Variants in OR5V1 observed in about 807,000 individuals in gnomAD.
The protein encoded by OR5V1 is olfactory receptor 5V1.
For missense variants in OR5V1, 365 were observed against 371.5 expected (o/e 0.98, Z 0.14); for synonymous variants, 134 against 143.2 (o/e 0.94, Z 0.46).
Position 29,355,209 on chromosome 6 carries a change from AG to A in OR5V1, c.*20del, listed in dbSNP as rs1582366977. The A allele has an allele frequency of 6.5e-7, 1 of 1,544,046 alleles. No homozygotes were observed. The highest frequency in any genetic ancestry group is 1.4e-5 in the African/African-American group (1 of 72,136). On this transcript the variant is annotated 3_prime_UTR_variant, in exon 2 of 2. Transcript: ENST00000641768. ...GTGAAAAAGTTAATTTTGTAGTATAAGATTATTGAACCTGTGAGGTTCAATA... is the reference window on the plus strand; with the variant it reads ...GTGAAAAAGTTAATTTTGTAGTATAAATTATTGAACCTGTGAGGTTCAATA...
intron 1 of OR5V1, among the ~76,000 whole-genome samples, chr6:29,361,376 G>C (rs981870408): frequency 1.3e-5 from 2 of 152,094 alleles, no homozygotes; most frequent in Non-Finnish European, 2.9e-5. Flanking sequence ...TTATCCAGGA[G>C]ACCTTCCCCA....
chr6:29,354,764 A>G lies in OR5V1; in HGVS notation c.*466T>C, dbSNP rs1778172784. ...GGTAAAACATCACTTTACTGTGTTT[A>G]CATTTCTTAATCTATTGGTGATGAT... is the stretch of plus-strand genomic sequence containing the variant. On this transcript the variant is annotated 3_prime_UTR_variant, in exon 2 of 2. Coordinates refer to ENST00000641768, the MANE Select transcript of OR5V1 (RefSeq NM_030876.6). 6.5e-6 allele frequency: 1 copy of G among 152,740 alleles called. No homozygotes were observed. Among genetic ancestry groups the G allele is most frequent in the Non-Finnish European group, 1.5e-5 (1 of 68,458 alleles). The allele number at this position is 152,740 out of a possible 1,614,324, so 9.5% of individuals were successfully genotyped here.
Position 29,355,945 on chromosome 6 carries a change from T to C in OR5V1, c.251A>G (p.His84Arg). 6.2e-7 allele frequency: 1 copy of C among 1,613,930 alleles called. No homozygotes were observed. The highest frequency in any genetic ancestry group is 8.5e-7 in the Non-Finnish European group (1 of 1,179,924). Residue 84 changes from histidine (H) to arginine (R), a missense_variant, in exon 2 of 2, where the codon CAC becomes CGC. By Grantham distance (29) the His-to-Arg change is conservative. Transcript: ENST00000641768. ...AATGCTTTTTTTCTTTGAGAGGAGG[T>C]GCACCATCATCTGGGGGACATTGCT... ...TTSNVPQMMV[H>R]LLSKKKSISY...
Position 29,355,621 on chromosome 6 carries a change from G to A in OR5V1, c.575C>T (p.Thr192Ile). 1.2e-6 allele frequency: 2 copies of A among 1,614,008 alleles called. No homozygotes were observed. Among genetic ancestry groups the A allele is most frequent in the South Asian group, 1.1e-5 (1 of 91,074 alleles). Residue 192 changes from threonine (T) to isoleucine (I), a missense_variant, in exon 2 of 2, where the codon ACT (threonine) becomes ATT (isoleucine). Physicochemically the swap from Thr to Ile is moderately conservative, Grantham distance 89. Coordinates refer to ENST00000641768, the MANE Select transcript of OR5V1 (RefSeq NM_030876.6). ...TAGCAGTGCCAACTCATTGACAGAA[G>A]TGTTTCCACAAGACAAGATCAGCAA... ...PPLLILSCGNTSVNELALLST... is the reference protein window; with the variant it reads ...PPLLILSCGNISVNELALLST...
intron 1 of OR5V1, among the ~76,000 whole-genome samples, chr6:29,368,231 G>C (rs1778952412): frequency 6.6e-6 from 1 of 152,174 alleles, no homozygotes; most frequent in South Asian, 2.1e-4. Context: ...AGCATGCAAG[G>C]TTATTAGATC....
chr6:29,356,124 C>G lies in OR5V1; in HGVS notation c.72G>C (p.Gln24His). Residue 24 changes from glutamine to histidine, a missense_variant, in exon 2 of 2, where the codon CAG becomes CAC. By Grantham distance (24) the Gln-to-His change is conservative (BLOSUM62 0). Transcript: ENST00000641768. ...GAAAGAAGATGGTGAATAGTAAAAA[C>G]TGCAATTCATTTAGGTTGGAGAATC... ...ILGFSNLNELQFLLFTIFFLT... is the reference protein window; with the variant it reads ...ILGFSNLNELHFLLFTIFFLT... 1 of 1,612,522 alleles carries G rather than the reference C, an allele frequency of 6.2e-7. No homozygotes were observed. Among genetic ancestry groups the G allele is most frequent in the Non-Finnish European group, 8.5e-7 (1 of 1,179,428 alleles).
chr6:29,364,955 C>A (rs1426331918), intron 1 of OR5V1, among the ~76,000 whole-genome samples: 1 of 151,706 alleles, frequency 6.6e-6, no homozygotes, highest in East Asian at 1.9e-4. Context: ...TCAGAAATAA[C>A]ACCACACATC....
chr6:29,366,611 G>A (rs1778867791), intron 1 of OR5V1, among the ~76,000 whole-genome samples: 1 of 138,792 alleles, frequency 7.2e-6, no homozygotes, highest in South Asian at 2.5e-4. Flanking sequence ...GCTAAACTAT[G>A]AGACTAAGAA....
At chr6:29,356,621 C>A (rs1214915172) in intron 1 of OR5V1, among the ~76,000 whole-genome samples, 1 of 152,024 alleles carries the variant, frequency 6.6e-6, no homozygotes, top group Non-Finnish European at 1.5e-5. Context: ...CCCTGCTCTC[C>A]TTTTTCATAC....
chr6:29,368,444 T>G (rs1412836818), intron 1 of OR5V1, among the ~76,000 whole-genome samples, 188 bp downstream of exon 1: 1 of 152,154 alleles, frequency 6.6e-6, no homozygotes, highest in Non-Finnish European at 1.5e-5. Flanking sequence ...ATTCACATAC[T>G]CAGTAGGCTG....
At chr6:29,365,975 T>TA (rs1778834101) in intron 1 of OR5V1, among the ~76,000 whole-genome samples, 1 of 151,996 alleles carries the variant, frequency 6.6e-6, no homozygotes, top group South Asian at 2.1e-4. Context: ...TATGCAGCCA[T>TA]AAAAAAGAAT....
rs1225790450 is a variant in OR5V1, at chr6:29,355,962, G to A, written c.234C>T (p.Val78=). ...FIDICYTTSN[V]PQMMVHLLSK... is the part of the protein sequence containing the mutation. ...AGAGGAGGTGCACCATCATCTGGGG[G>A]ACATTGCTGGTGGTGTAGCAGATGT... The change falls in exon 2 of 2, where the codon GTC becomes GTT. Residue 78 remains valine (V), a synonymous_variant. Coordinates refer to ENST00000641768, the MANE Select transcript of OR5V1 (RefSeq NM_030876.6). 1 of 1,613,986 alleles carries A rather than the reference G, an allele frequency of 6.2e-7. No individual in the cohort carries two copies. Among genetic ancestry groups the A allele is most frequent in the East Asian group, 2.2e-5 (1 of 44,880 alleles).
At chr6:29,365,695 C>T (rs1778818052) in intron 1 of OR5V1, among the ~76,000 whole-genome samples, 1 of 152,194 alleles carries the variant, frequency 6.6e-6, no homozygotes, top group South Asian at 2.1e-4. Flanking sequence ...AAGGCTTTTA[C>T]ATTGTTGATG....
At chr6:29,363,669 T>C (rs991616607) in intron 1 of OR5V1, among the ~76,000 whole-genome samples, 1 of 151,882 alleles carries the variant, frequency 6.6e-6, no homozygotes, top group Admixed American at 6.6e-5. Flanking sequence ...AAACATAATC[T>C]ATCACATAAA....
rs1035030121 is a variant in OR5V1, at chr6:29,354,498, G to C, written c.*732C>G. ...TTTTCTGTATGTTTTATCTGATTCTGTTTTCTAAATTTTTAGCGAAAAAAG... is the reference window on the plus strand; with the variant it reads ...TTTTCTGTATGTTTTATCTGATTCTCTTTTCTAAATTTTTAGCGAAAAAAG... On this transcript the variant is annotated 3_prime_UTR_variant, in exon 2 of 2. Coordinates refer to ENST00000641768, the MANE Select transcript of OR5V1 (RefSeq NM_030876.6). The C allele has an allele frequency of 6.6e-6, 1 of 151,650 alleles. No individual in the cohort carries two copies. Among genetic ancestry groups the C allele is most frequent in the African/African-American group, 2.4e-5 (1 of 41,296 alleles). 9.4% of individuals were successfully genotyped at this position (151,650 alleles called of 1,614,324 possible). A position where few individuals can be genotyped will look rare whatever the true frequency, so the allele number is the denominator to read the frequency against.
At chr6:29,361,616 G>A (rs112337277) in intron 1 of OR5V1, among the ~76,000 whole-genome samples, 10,274 of 152,036 alleles carry the variant, frequency 0.068, 749 homozygotes, top group African/African-American at 0.19. Context: ...GAAGAGAGTG[G>A]GGACCAATAT....
At chr6:29,365,230 T>G (rs1421313689) in intron 1 of OR5V1, among the ~76,000 whole-genome samples, 1 of 151,190 alleles carries the variant, frequency 6.6e-6, no homozygotes, top group Non-Finnish European at 1.5e-5. Context: ...ATTCAGGACA[T>G]AGGCATGGGC....
chr6:29,356,255 A>G lies in OR5V1; in HGVS notation c.-60T>C. On this transcript the variant is annotated 5_prime_UTR_variant, in exon 2 of 2. Coordinates refer to ENST00000641768, the MANE Select transcript of OR5V1 (RefSeq NM_030876.6). ...AGAGAAGACCAGATTATAAAAATGA[A>G]TCATATGCTGCAATAGCATGACCTG... The G allele has an allele frequency of 1.3e-6, 2 of 1,512,116 alleles. No homozygotes were observed. Among genetic ancestry groups the G allele is most frequent in the Non-Finnish European group, 8.8e-7 (1 of 1,131,838 alleles). 93.7% of individuals were successfully genotyped at this position (1,512,116 alleles called of 1,614,324 possible). A position where few individuals can be genotyped will look rare whatever the true frequency, so the allele number is the denominator to read the frequency against.
At chr6:29,361,393 C>T (rs1208719528) in intron 1 of OR5V1, among the ~76,000 whole-genome samples, 1 of 152,096 alleles carries the variant, frequency 6.6e-6, no homozygotes, top group Non-Finnish European at 1.5e-5. Flanking sequence ...CCCAACCTAG[C>T]AAGACAGGTC....
Sources: gnomAD v4.1 joint callset for allele counts (sites outside exome capture counted in the v4.1 genomes callset) on GRCh38, gnomAD v4.1.1 for gene constraint, MANE v1.5 for transcripts, NCBI Gene and HGNC (gene_info 2026-07-23, HGNC 2026-07-21) for gene names.